The following WWC2 variants were observed in gnomAD, a reference collection of about 807,000 sequenced individuals.
The protein encoded by WWC2 is protein WWC2.
A neutral mutation model predicts 138.5 loss-of-function variants in WWC2; 101 were observed. That is an observed-to-expected ratio of 0.73 (90% confidence interval 0.62 to 0.86). The LOEUF (loss-of-function observed/expected upper bound fraction) is 0.86, where lower values mean the gene tolerates loss of function less well. Ranked by LOEUF, WWC2 falls within the 40% of genes least tolerant of loss-of-function variation. WWC2 has a pLI of 0.00. For missense variants in WWC2, 1,420 were observed against 1,419.4 expected, an observed-to-expected ratio of 1.00 and a Z score of -0.01; for synonymous variants, 558 against 538.4, an observed-to-expected ratio of 1.04 and a Z score of -0.50.
intron 11 of WWC2, among the ~76,000 whole-genome samples, chr4:183,262,368 A>G (rs1737354667): frequency 6.6e-6 from 1 of 152,244 alleles, no homozygotes; most frequent in Non-Finnish European, 1.5e-5. Context: ...GTTCACAGCT[A>G]CATGTTTTAC....
At chr4:183,258,860 G>A (rs139734234) in intron 9 of WWC2, among the ~76,000 whole-genome samples, 33 of 152,168 alleles carry the variant, frequency 2.2e-4, no homozygotes, top group Admixed American at 4.6e-4. Context: ...ACCTTCACAC[G>A]ACATAGACTA....
chr4:183,266,854 A>G (rs1737520033), intron 14 of WWC2, among the ~76,000 whole-genome samples: 1 of 152,304 alleles, frequency 6.6e-6, no homozygotes, highest in Non-Finnish European at 1.5e-5. Context: ...TATATTCCTT[A>G]GTGATAAGAC....
At chr4:183,240,896 AG>A (rs1476738807) in intron 5 of WWC2, among the ~76,000 whole-genome samples, 1 of 152,202 alleles carries the variant, frequency 6.6e-6, no homozygotes, top group Non-Finnish European at 1.5e-5. Context: ...GAGGTGACAG[AG>A]GGTCACAGGA....
chr4:183,249,045 T>C (rs73870398), intron 7 of WWC2, among the ~76,000 whole-genome samples, 185 bp downstream of exon 7: 11,590 of 152,092 alleles, frequency 0.076, 1,487 homozygotes, highest in African/African-American at 0.27. Flanking sequence ...AGGTGCCAAG[T>C]ATGTCAGGAT....
At chr4:183,292,032 T>A (rs11734319) in intron 21 of WWC2, among the ~76,000 whole-genome samples, 7 of 145,164 alleles carry the variant, frequency 4.8e-5, no homozygotes, top group Non-Finnish European at 6.0e-5. Flanking sequence ...CAAAAAAAAT[T>A]AAAAAAAAAA....
rs1284023254 is a variant in WWC2 at position 183,284,382 on chromosome 4, A to T, written c.3040A>T (p.Ile1014Phe). The change falls in exon 19 of 23, where the codon ATC becomes TTC. Residue 1014 changes from isoleucine (I) to phenylalanine (F), a missense_variant. By Grantham distance (21) the Ile-to-Phe change is conservative. Coordinates refer to ENST00000403733, the MANE Select transcript of WWC2 (RefSeq NM_024949.6). ...TFSPGERNQY[I>F]CRLNRSDSDS... The stretch of plus-strand genomic sequence containing the variant: ...TTCTCCAGGAGAGCGGAACCAGTAC[A>T]TCTGCAGGGTAAGGTGGCAGTGCTC... The T allele has an allele frequency of 6.2e-7, 1 of 1,612,212 alleles. No individual in the cohort carries two copies. Among genetic ancestry groups the T allele is most frequent in the South Asian group, 1.1e-5 (1 of 91,034 alleles).
rs145411528 is a variant in WWC2, at chr4:183,160,796, G to A, written c.132-32803G>A. ...AAGCTGTAGCACAGAGAAGGATGCT[G>A]CTGGGAAATTTGCATCCAGATTCCA... On this transcript the variant is annotated intron_variant, in intron 1 of 22. Coordinates refer to ENST00000403733, the MANE Select transcript of WWC2 (RefSeq NM_024949.6). 1.4e-3 allele frequency among the ~76,000 whole-genome samples: 209 copies of A among 152,308 alleles called. 1 individual carries two copies. Among genetic ancestry groups the A allele is most frequent in the African/African-American group, 4.9e-3 (203 of 41,578 alleles).
chr4:183,126,394 A>G (rs987485255), intron 1 of WWC2, among the ~76,000 whole-genome samples: 9 of 152,304 alleles, frequency 5.9e-5, no homozygotes, highest in East Asian at 1.9e-4. Context: ...ATCAGATGCA[A>G]TGACATCCTG....
At chr4:183,250,296 A>C (rs1032884722) in intron 8 of WWC2, among the ~76,000 whole-genome samples, 2 of 152,178 alleles carry the variant, frequency 1.3e-5, no homozygotes. Context: ...CTCTCAATTA[A>C]AAGTGAGAAG....
In WWC2 at chr4:183,186,458, T is replaced by A. The variant is rs1160429724; in HGVS notation, c.132-7141T>A. Among the ~76,000 whole-genome samples, 5 of 152,250 alleles carry A rather than the reference T, an allele frequency of 3.3e-5. No homozygotes were observed. The East Asian group carries it at 9.7e-4, about 29-fold the overall frequency. Reference sequence around the variant, plus strand: ...CTAAAGTCCTCCTGTTTACAGCCTCTAGGTTAGGATGAGGGAATGGTTAGG... The same window carrying A: ...CTAAAGTCCTCCTGTTTACAGCCTCAAGGTTAGGATGAGGGAATGGTTAGG... On this transcript the variant is annotated intron_variant, in intron 1 of 22. Transcript: ENST00000403733.
At chr4:183,168,170 T>TTTTC (rs112454730) in intron 1 of WWC2, among the ~76,000 whole-genome samples, 135,362 of 140,682 alleles carry the variant, frequency 0.96, 65,189 homozygotes, top group Non-Finnish European at 0.99. Context: ...TTTTCTTTTC[T>TTTTC]TTTCTTTCTT....
intron 2 of WWC2, among the ~76,000 whole-genome samples, chr4:183,199,939 T>C (rs1001923338): frequency 1.3e-5 from 2 of 152,224 alleles, no homozygotes; most frequent in African/African-American, 4.8e-5. Flanking sequence ...TTGTGTAATA[T>C]ACTTGAGTAT....
At position 183,176,222 on chromosome 4, in the gene WWC2, C is replaced by T. The variant is rs892645350; in HGVS notation, c.132-17377C>T. On this transcript the variant is annotated intron_variant, in intron 1 of 22. Transcript: ENST00000403733. ...TCCATGTAAGCTATAAAAATTCAATCGTATGTTTAAATAGCAAAGCAAATA... is the reference window on the plus strand; with the variant it reads ...TCCATGTAAGCTATAAAAATTCAATTGTATGTTTAAATAGCAAAGCAAATA... 3.3e-5 allele frequency among the ~76,000 whole-genome samples: 5 copies of T among 152,022 alleles called. No individual in the cohort carries two copies. In the South Asian group the frequency reaches 1.0e-3, roughly 32 times the overall value.
intron 16 of WWC2, among the ~76,000 whole-genome samples, chr4:183,276,282 T>A (rs537209014): frequency 6.6e-6 from 1 of 152,276 alleles, no homozygotes; most frequent in Admixed American, 6.5e-5. Flanking sequence ...AATCTTCATC[T>A]TTTAATTGAA....
At chr4:183,300,988 G>A (rs1738821026) in intron 21 of WWC2, among the ~76,000 whole-genome samples, 1 of 152,086 alleles carries the variant, frequency 6.6e-6, no homozygotes, top group Non-Finnish European at 1.5e-5. Flanking sequence ...TAAGAAAAGT[G>A]GGTTGGATTT....
rs561399400 is a variant in WWC2 at position 183,285,633 on chromosome 4, G to A, written c.3049-334G>A. Among the ~76,000 whole-genome samples, 3 of 152,124 alleles carry A rather than the reference G, an allele frequency of 2.0e-5. No individual in the cohort carries two copies. In the East Asian group the frequency reaches 5.8e-4, roughly 29 times the overall value. On this transcript the variant is annotated intron_variant, in intron 19 of 22. Transcript: ENST00000403733. ...AAATTAGCTGGGCATGGTGGCGTGC[G>A]CCTGTAATCCGAGTTACTACAGAGG...
chr4:183,203,034 T>C (rs1735344643), intron 2 of WWC2, among the ~76,000 whole-genome samples: 1 of 152,192 alleles, frequency 6.6e-6, no homozygotes, highest in Admixed American at 6.5e-5. Flanking sequence ...GGTCACACAA[T>C]TTGTAAATGA....
At position 183,247,604 on chromosome 4, in the gene WWC2, G is replaced by A. The variant is rs181495425; in HGVS notation, c.733-1110G>A. 5.7e-3 allele frequency among the ~76,000 whole-genome samples: 605 copies of A among 106,732 alleles called. 17 individuals carry two copies. The highest frequency in any genetic ancestry group is 0.023 in the African/African-American group (557 of 24,264). The allele number at this position is 106,732 out of a possible 152,430, so 70.0% of individuals were successfully genotyped here. A position where few individuals can be genotyped will look rare whatever the true frequency, so the allele number is the denominator to read the frequency against. On this transcript the variant is annotated intron_variant, in intron 6 of 22. Coordinates refer to ENST00000403733, the MANE Select transcript of WWC2 (RefSeq NM_024949.6). The stretch of plus-strand genomic sequence containing the variant: ...TATATACTATATATATGCTATATAT[G>A]CTATATATACTATATATACTATATA...
chr4:183,263,951 A>G (rs1406706653), intron 11 of WWC2, among the ~76,000 whole-genome samples: 2 of 152,152 alleles, frequency 1.3e-5, no homozygotes, highest in East Asian at 3.9e-4. Flanking sequence ...CTGCTGGATG[A>G]CACCAACCAC....
Sources: allele counts gnomAD v4.1 joint callset (sites outside exome capture counted in the v4.1 genomes callset), GRCh38; gene constraint gnomAD v4.1.1; transcripts MANE v1.5; gene names NCBI Gene and HGNC (gene_info 2026-07-23, HGNC 2026-07-21).